ADCY2: variants seen among roughly 807,000 people sequenced by gnomAD.
ADCY2 encodes the protein adenylate cyclase type 2.
Under a neutral mutation model 125.2 loss-of-function variants are expected in ADCY2, and 31 were observed. The observed-to-expected ratio is 0.25, with a 90% CI of 0.19 to 0.33. The LOEUF (loss-of-function observed/expected upper bound fraction) is 0.33, where lower values mean the gene tolerates loss of function less well. ADCY2 is among the 10% of genes least tolerant of loss of function. The pLI, the probability that ADCY2 is intolerant of heterozygous loss-of-function variation, is 1.00. For synonymous variants in ADCY2, 512 were observed against 548.4 expected (o/e 0.93, Z 0.93); for missense variants, 904 against 1,418.2 (o/e 0.64, Z 5.82).
intron 3 of ADCY2, among the ~76,000 whole-genome samples, chr5:7,570,868 C>T (rs1018781028): frequency 5.3e-5 from 8 of 152,290 alleles, no homozygotes; most frequent in Admixed American, 3.9e-4. Flanking sequence ...AGGGCACTGA[C>T]ATCTGTCCTT....
intron 24 of ADCY2, among the ~76,000 whole-genome samples, chr5:7,824,387 T>C (rs1340597449): frequency 6.6e-6 from 1 of 152,106 alleles, no homozygotes; most frequent in Non-Finnish European, 1.5e-5. Context: ...GGTTCGGCAT[T>C]ATGAACACCA....
intron 22 of ADCY2, among the ~76,000 whole-genome samples, chr5:7,805,350 C>T (rs1744727727): frequency 6.6e-6 from 1 of 151,774 alleles, no homozygotes; most frequent in South Asian, 2.1e-4. Flanking sequence ...ATAATGTGGT[C>T]AAAAAACAAG....
At position 7,803,415 on chromosome 5, in the gene ADCY2, G is replaced by A. The variant is rs530446719; in HGVS notation, c.2775+1051G>A. 9.8e-5 allele frequency among the ~76,000 whole-genome samples: 15 copies of A among 152,312 alleles called. No homozygotes were observed. The South Asian group carries it at 2.5e-3, about 25-fold the overall frequency. On this transcript the variant is annotated intron_variant, in intron 21 of 24. Transcript: ENST00000338316. Reference sequence around the variant, plus strand: ...AAAACGCTCTTGGTCTCCGGTCAGCGCCATTTGAGCCCTGCCCTCCTGAGC... The same window carrying A: ...AAAACGCTCTTGGTCTCCGGTCAGCACCATTTGAGCCCTGCCCTCCTGAGC...
chr5:7,593,134 G>A (rs1326568365), intron 3 of ADCY2, among the ~76,000 whole-genome samples: 4 of 152,114 alleles, frequency 2.6e-5, no homozygotes, highest in African/African-American at 7.2e-5. Context: ...GGGGATGAGC[G>A]CAAATCGAGG....
intron 1 of ADCY2, among the ~76,000 whole-genome samples, chr5:7,397,650 A>C (rs1370887524): frequency 2.6e-5 from 4 of 152,148 alleles, no homozygotes. Context: ...GTCCGGAGCC[A>C]GATGGTGTTC....
intron 7 of ADCY2, among the ~76,000 whole-genome samples, chr5:7,703,720 T>A (rs1019757594): frequency 6.6e-6 from 1 of 152,162 alleles, no homozygotes; most frequent in Non-Finnish European, 1.5e-5. Context: ...TCTTTTTTGG[T>A]TCCATATGAA....
intron 2 of ADCY2, among the ~76,000 whole-genome samples, chr5:7,450,430 C>A (rs1741430898): frequency 6.6e-6 from 1 of 152,160 alleles, no homozygotes; most frequent in Non-Finnish European, 1.5e-5. Flanking sequence ...CTCTTCAATT[C>A]TATGAAGGCT....
chr5:7,752,296 C>T (rs888961345), intron 15 of ADCY2, among the ~76,000 whole-genome samples: 4 of 152,162 alleles, frequency 2.6e-5, no homozygotes, highest in East Asian at 1.9e-4. Flanking sequence ...TTCAGAATGA[C>T]GGTCCTCAGC....
chr5:7,765,222 T>G (rs756830589), intron 16 of ADCY2, among the ~76,000 whole-genome samples: 6 of 152,224 alleles, frequency 3.9e-5, no homozygotes, highest in Admixed American at 6.5e-5. Context: ...CCTTGGCACT[T>G]AAGACTAGTA....
rs569985142 is a variant in ADCY2 at position 7,565,500 on chromosome 5, G to A, written c.570+44601G>A. Among the ~76,000 whole-genome samples the A allele has an allele frequency of 3.9e-5, 6 of 152,226 alleles. No individual in the cohort carries two copies. The South Asian group carries it at 1.0e-3, about 26-fold the overall frequency. ...GCCTCGGTAAACACTATTTTGAGCCGCTTATTTTCTCCAACATCAGTTTGC... is the reference window on the plus strand; with the variant it reads ...GCCTCGGTAAACACTATTTTGAGCCACTTATTTTCTCCAACATCAGTTTGC... On this transcript the variant is annotated intron_variant, in intron 3 of 24. Coordinates refer to ENST00000338316, the MANE Select transcript of ADCY2 (RefSeq NM_020546.3).
intron 2 of ADCY2, among the ~76,000 whole-genome samples, chr5:7,456,124 A>G (rs538329482): frequency 5.9e-5 from 9 of 152,046 alleles, no homozygotes; most frequent in Admixed American, 2.6e-4. Context: ...TTCATTAGCT[A>G]TATTTATAGT....
chr5:7,819,446 T>C (rs1745225511), intron 23 of ADCY2, among the ~76,000 whole-genome samples: 1 of 152,202 alleles, frequency 6.6e-6, no homozygotes, highest in Admixed American at 6.5e-5. Flanking sequence ...ATTTTCCTGG[T>C]CTAGACTTCA....
intron 3 of ADCY2, among the ~76,000 whole-genome samples, chr5:7,550,148 G>A (rs919553982): frequency 1.3e-5 from 2 of 152,122 alleles, no homozygotes; most frequent in South Asian, 2.1e-4. Context: ...CTATTGAATT[G>A]AGTGGCTCAC....
rs763347773 is a variant in ADCY2, at chr5:7,573,593, C to CTTTTTT, written c.571-52554_571-52549dup. ...GCCTCTGGGATACAGGGTTGATTTT[C>CTTTTTT]TTTTTTTTTTTTTTTTTTTTTTTTT... On this transcript the variant is annotated intron_variant, in intron 3 of 24. Coordinates refer to ENST00000338316, the MANE Select transcript of ADCY2 (RefSeq NM_020546.3). Among the ~76,000 whole-genome samples, 108 of 86,358 alleles carry CTTTTTT rather than the reference C, an allele frequency of 1.3e-3. 4 individuals carry two copies. Among genetic ancestry groups the CTTTTTT allele is most frequent in the Middle Eastern group, 0.014 (2 of 142 alleles). 56.7% of individuals were successfully genotyped at this position (86,358 alleles called of 152,430 possible).
intron 2 of ADCY2, among the ~76,000 whole-genome samples, chr5:7,449,289 C>A (rs1741389068): frequency 6.6e-6 from 1 of 152,086 alleles, no homozygotes; most frequent in Non-Finnish European, 1.5e-5. Flanking sequence ...TCCAGAAAAA[C>A]CAATTTTTCT....
intron 3 of ADCY2, among the ~76,000 whole-genome samples, chr5:7,589,501 A>AGAAG (rs1736766030): frequency 1.4e-5 from 1 of 70,980 alleles, no homozygotes. Flanking sequence ...AAAGAAAGAA[A>AGAAG]GAAAGAAAGA....
intron 24 of ADCY2, among the ~76,000 whole-genome samples, chr5:7,822,266 A>G (rs1421364176): frequency 6.6e-6 from 1 of 152,220 alleles, no homozygotes; most frequent in African/African-American, 2.4e-5. Context: ...TGGTTTGGAA[A>G]TTTTGCTTAA....
intron 20 of ADCY2, chr5:7,800,525 G>C (rs1430707632): frequency 1.3e-5 from 2 of 152,214 alleles, no homozygotes; most frequent in African/African-American, 2.4e-5. Context: ...AGCTGGGCAT[G>C]GTGGTGCACA....
chr5:7,501,611 C>CTCATAT (rs148260595), intron 2 of ADCY2, among the ~76,000 whole-genome samples: 17,230 of 124,808 alleles, frequency 0.14, 1,602 homozygotes, highest in Non-Finnish European at 0.16. Context: ...TAGATGTTTC[C>CTCATAT]TCATATCCCA....
Sources: gnomAD v4.1 joint callset for allele counts (sites outside exome capture counted in the v4.1 genomes callset) on GRCh38, gnomAD v4.1.1 for gene constraint, MANE v1.5 for transcripts, NCBI Gene and HGNC (gene_info 2026-07-23, HGNC 2026-07-21) for gene names.